MAP3K20: variants seen among roughly 807,000 people sequenced by gnomAD.
MAP3K20 encodes mitogen-activated protein kinase kinase kinase 20, also known as HCCS-4.
In MAP3K20, 40 loss-of-function variants were observed where a neutral mutation model predicts 85.7. The ratio of observed to expected loss-of-function variants is 0.47; its 90% CI spans 0.36 to 0.61. MAP3K20 has a LOEUF of 0.61. MAP3K20 is among the 20% of genes least tolerant of loss of function. The pLI is 0.00. For synonymous variants in MAP3K20, 325 were observed against 327.7 expected (o/e 0.99, Z 0.09); for missense variants, 817 against 961.7 (o/e 0.85, Z 1.99).
intron 7 of MAP3K20, among the ~76,000 whole-genome samples, chr2:173,194,406 T>C (rs1002217178): frequency 6.6e-6 from 1 of 152,202 alleles, no homozygotes; most frequent in Admixed American, 6.5e-5. Context: ...AGGTATGCTT[T>C]CCAGCGACTT....
intron 2 of MAP3K20, among the ~76,000 whole-genome samples, chr2:173,099,916 TAGA>T (rs1687586976): frequency 6.6e-6 from 1 of 152,240 alleles, no homozygotes; most frequent in African/African-American, 2.4e-5. Flanking sequence ...GAAATGTATG[TAGA>T]AGAGTGCTTG....
intron 3 of MAP3K20, 76 bp from the exon 4 acceptor site, chr2:173,182,778 T>C: frequency 9.9e-7 from 1 of 1,009,548 alleles, no homozygotes; most frequent in South Asian, 2.2e-5. Context: ...ATGTATTTTC[T>C]CAATGAAAAT....
At chr2:173,192,800 C>T (rs1336369042) in intron 7 of MAP3K20, 3 of 152,212 alleles carry the variant, frequency 2.0e-5, no homozygotes, top group Admixed American at 1.3e-4. Flanking sequence ...CTGAGGCACA[C>T]ACCACCTGAG....
intron 2 of MAP3K20, among the ~76,000 whole-genome samples, chr2:173,154,230 C>G (rs1374359601): frequency 6.6e-6 from 1 of 152,212 alleles, no homozygotes; most frequent in African/African-American, 2.4e-5. Context: ...GTTGCCCAGG[C>G]TGAAGTGCAG....
At chr2:173,076,362 C>A (rs1382888475) in intron 1 of MAP3K20, among the ~76,000 whole-genome samples, 1 of 152,112 alleles carries the variant, frequency 6.6e-6, no homozygotes, top group African/African-American at 2.4e-5. Flanking sequence ...CCCGGGCGTG[C>A]GGCACGGGCA....
At chr2:173,139,910 TA>T (rs1252305890) in intron 2 of MAP3K20, among the ~76,000 whole-genome samples, 4 of 152,130 alleles carry the variant, frequency 2.6e-5, no homozygotes, top group African/African-American at 4.8e-5. Context: ...ATTTTTATGT[TA>T]AAAAAGTAAT....
chr2:173,125,803 A>G (rs1207561646), intron 2 of MAP3K20, among the ~76,000 whole-genome samples: 2 of 151,954 alleles, frequency 1.3e-5, no homozygotes, highest in Non-Finnish European at 2.9e-5. Flanking sequence ...GCTGGGACTA[A>G]AGATGCCTGC....
At chr2:173,222,228 T>C in intron 11 of MAP3K20, 2 of 985,536 alleles carry the variant, frequency 2.0e-6, no homozygotes, top group African/African-American at 1.7e-5. Context: ...AAAGAAAGAA[T>C]TGATAGTACA....
In MAP3K20 at chr2:173,265,968, G is replaced by A. The variant is rs1685409179; in HGVS notation, c.1703-82G>A. 3.5e-6 allele frequency: 5 copies of A among 1,418,148 alleles called. No homozygotes were observed. The South Asian group carries it at 6.9e-5, about 19-fold the overall frequency. 87.8% of individuals were successfully genotyped at this position (1,418,148 alleles called of 1,614,324 possible). A position where few individuals can be genotyped will look rare whatever the true frequency, so the allele number is the denominator to read the frequency against. On this transcript the variant is annotated intron_variant, in intron 19 of 19. Transcript: ENST00000375213. ...AGCTTAGAGCATCCCAAACAGCCCT[G>A]AATTATCCTAAGACAGGCGTATGAA...
intron 2 of MAP3K20, among the ~76,000 whole-genome samples, chr2:173,126,093 A>T (rs1230886014): frequency 1.3e-5 from 2 of 152,208 alleles, no homozygotes; most frequent in African/African-American, 4.8e-5. Flanking sequence ...ATATAATTAA[A>T]TTTCTTTATG....
At chr2:173,081,332 C>T (rs1687008706) in intron 1 of MAP3K20, among the ~76,000 whole-genome samples, 1 of 151,958 alleles carries the variant, frequency 6.6e-6, no homozygotes, top group South Asian at 2.1e-4. Context: ...TGGCTTATTC[C>T]CCATAGTGTT....
At chr2:173,175,347 G>C (rs1435391937) in intron 3 of MAP3K20, among the ~76,000 whole-genome samples, 3 of 152,168 alleles carry the variant, frequency 2.0e-5, no homozygotes, top group African/African-American at 7.2e-5. Context: ...ACTGTTCCAA[G>C]TGTAAACATA....
At chr2:173,258,627 T>C (rs1200608878) in intron 16 of MAP3K20, 72 bp from the exon 17 acceptor site, 8 of 794,228 alleles carry the variant, frequency 1.0e-5, no homozygotes, top group Non-Finnish European at 1.7e-5. Flanking sequence ...ATTTTATGTG[T>C]TAGGAAATAT....
intron 2 of MAP3K20, among the ~76,000 whole-genome samples, chr2:173,169,232 T>A (rs367796851): frequency 6.6e-6 from 1 of 152,088 alleles, no homozygotes; most frequent in African/African-American, 2.4e-5. Flanking sequence ...ATAAATGGGG[T>A]ATCTCTTCAG....
chr2:173,174,989 T>C (rs1690112103), intron 3 of MAP3K20, among the ~76,000 whole-genome samples: 1 of 152,202 alleles, frequency 6.6e-6, no homozygotes, highest in African/African-American at 2.4e-5. Flanking sequence ...TTCAAAGTGA[T>C]CTTTAGAAGA....
At chr2:173,212,165 T>C (rs968536880) in intron 10 of MAP3K20, 1 of 152,230 alleles carries the variant, frequency 6.6e-6, no homozygotes, top group Non-Finnish European at 1.5e-5. Context: ...GTACTTCTTA[T>C]GTTCATTCAT....
intron 2 of MAP3K20, among the ~76,000 whole-genome samples, chr2:173,164,016 G>A (rs1689741002): frequency 1.3e-5 from 2 of 151,674 alleles, no homozygotes; most frequent in African/African-American, 4.8e-5. Flanking sequence ...CTGGAGTGCA[G>A]TGGTGCAATC....
At chr2:173,105,481 A>G (rs1687759051) in intron 2 of MAP3K20, among the ~76,000 whole-genome samples, 1 of 152,214 alleles carries the variant, frequency 6.6e-6, no homozygotes, top group Non-Finnish European at 1.5e-5. Context: ...CTGCCACCTA[A>G]ATACCATTTA....
intron 1 of MAP3K20, among the ~76,000 whole-genome samples, chr2:173,084,837 T>A (rs946559749): frequency 5.9e-5 from 9 of 152,204 alleles, no homozygotes; most frequent in Non-Finnish European, 1.2e-4. Context: ...GTATGCACTT[T>A]CACAGCACTG....
Sources: gnomAD v4.1 joint callset for allele counts (sites outside exome capture counted in the v4.1 genomes callset) on GRCh38, gnomAD v4.1.1 for gene constraint, MANE v1.5 for transcripts, NCBI Gene and HGNC (gene_info 2026-07-23, HGNC 2026-07-21) for gene names.